The following LTBP1 variants were observed in gnomAD, a reference collection of about 807,000 sequenced individuals.
The protein encoded by LTBP1 is latent transforming growth factor beta binding protein 1.
LTBP1 carries 129 observed loss-of-function variants against 207.6 expected under a neutral mutation model. The ratio of observed to expected loss-of-function variants is 0.62; its 90% CI spans 0.54 to 0.72. The LOEUF (loss-of-function observed/expected upper bound fraction) is 0.72, where lower values mean the gene tolerates loss of function less well. LTBP1 is among the 30% of genes least tolerant of loss of function. The pLI, the probability that LTBP1 is intolerant of heterozygous loss-of-function variation, is 0.00. For synonymous variants in LTBP1, 963 were observed against 833.7 expected, an observed-to-expected ratio of 1.16 and a Z score of -2.67; for missense variants, 2,281 against 2,217.2, an observed-to-expected ratio of 1.03 and a Z score of -0.58.
chr2:33,372,064 G>A (rs2095075209), intron 31 of LTBP1, among the ~76,000 whole-genome samples: 1 of 152,186 alleles, frequency 6.6e-6, no homozygotes, highest in Non-Finnish European at 1.5e-5. Flanking sequence ...TCCACTGGGG[G>A]TCTTGGAACA....
intron 32 of LTBP1, among the ~76,000 whole-genome samples, chr2:33,395,905 A>T (rs1236421806): frequency 2.1e-5 from 3 of 144,388 alleles, no homozygotes; most frequent in African/African-American, 2.6e-5. Context: ...TTCTAGCCAT[A>T]TATTTTTTTT....
chr2:33,176,745 T>C (rs1172830147), intron 5 of LTBP1, among the ~76,000 whole-genome samples: 1 of 152,168 alleles, frequency 6.6e-6, no homozygotes, highest in African/African-American at 2.4e-5. Context: ...CCACTGTGCT[T>C]AACCATCCCA....
intron 2 of LTBP1, among the ~76,000 whole-genome samples, chr2:32,962,976 A>G (rs1373254644): frequency 6.6e-6 from 1 of 152,150 alleles, no homozygotes; most frequent in African/African-American, 2.4e-5. Flanking sequence ...CCCTTTCCAC[A>G]TCCCCCCACC....
At chr2:33,256,541 CTAAT>C (rs1558896270) in intron 11 of LTBP1, among the ~76,000 whole-genome samples, 1 of 151,154 alleles carries the variant, frequency 6.6e-6, no homozygotes, top group African/African-American at 2.4e-5. Context: ...TTTTTAATAA[CTAAT>C]GAAATTACAT....
chr2:33,218,259 T>C (rs1466339437), intron 8 of LTBP1, among the ~76,000 whole-genome samples: 1 of 152,216 alleles, frequency 6.6e-6, no homozygotes, highest in Non-Finnish European at 1.5e-5. Flanking sequence ...CCCCAGGCTT[T>C]GATTTGCTTT....
At chr2:33,180,829 C>T (rs984315545) in intron 5 of LTBP1, among the ~76,000 whole-genome samples, 1 of 152,076 alleles carries the variant, frequency 6.6e-6, no homozygotes, top group African/African-American at 2.4e-5. Context: ...ATTTGTTATC[C>T]TAAAGCAGAA....
At chr2:32,952,605 C>T (rs916274048) in intron 2 of LTBP1, among the ~76,000 whole-genome samples, 1 of 152,106 alleles carries the variant, frequency 6.6e-6, no homozygotes, top group Non-Finnish European at 1.5e-5. Flanking sequence ...GCATTAAACC[C>T]CTGATGTGTA....
At chr2:33,021,270 T>C in intron 3 of LTBP1, 64 bp downstream of exon 3, 2 of 1,425,014 alleles carry the variant, frequency 1.4e-6, no homozygotes, top group Non-Finnish European at 9.5e-7. Context: ...ATGCCTTGCT[T>C]TAAATCACTG....
chr2:33,058,031 A>T (rs998212707), intron 3 of LTBP1, among the ~76,000 whole-genome samples: 4 of 152,256 alleles, frequency 2.6e-5, no homozygotes, highest in African/African-American at 9.6e-5. Context: ...CTACCTCATC[A>T]TAAAAGTAAG....
intron 5 of LTBP1, among the ~76,000 whole-genome samples, chr2:33,169,003 G>A (rs1416577551): frequency 6.6e-6 from 1 of 152,198 alleles, no homozygotes; most frequent in Non-Finnish European, 1.5e-5. Flanking sequence ...AGAGTTAGGG[G>A]GGAGCCATGG....
chr2:33,317,870 A>G (rs975949281), intron 24 of LTBP1: 3 of 115,240 alleles, frequency 2.6e-5, no homozygotes, highest in African/African-American at 3.7e-5. Flanking sequence ...GAAGAGGCAA[A>G]CTCTGTCAAC....
chr2:33,399,216 C>A lies in LTBP1; in HGVS notation c.*671C>A, dbSNP rs1026944168. On this transcript the variant is annotated 3_prime_UTR_variant, in exon 34 of 34. Coordinates refer to ENST00000404816, the MANE Select transcript of LTBP1 (RefSeq NM_206943.4). ...GCTGCTAGCAGGTGTTAATTGGATC[C>A]CTTTCCTTCACTGAAATGGAAGAGT... is the stretch of plus-strand genomic sequence containing the variant. 6.6e-6 allele frequency: 1 copy of A among 152,296 alleles called. No homozygotes were observed. The highest frequency in any genetic ancestry group is 2.4e-5 in the African/African-American group (1 of 41,408). 9.4% of individuals were successfully genotyped at this position (152,296 alleles called of 1,614,324 possible).
chr2:33,029,707 G>A (rs62135745), intron 3 of LTBP1, among the ~76,000 whole-genome samples: 18 of 152,154 alleles, frequency 1.2e-4, no homozygotes, highest in South Asian at 6.2e-4. Context: ...TCCTTGCATC[G>A]TTTACATGTC....
At chr2:33,299,995 T>A (rs958337397) in intron 20 of LTBP1, among the ~76,000 whole-genome samples, 1 of 152,234 alleles carries the variant, frequency 6.6e-6, no homozygotes. Flanking sequence ...ATAGTTCAAC[T>A]TCTAGACAAA....
intron 5 of LTBP1, among the ~76,000 whole-genome samples, chr2:33,157,535 G>A (rs1235770288): frequency 6.6e-6 from 1 of 152,164 alleles, no homozygotes; most frequent in Non-Finnish European, 1.5e-5. Flanking sequence ...AGACAGGGAG[G>A]TTATGACTTC....
intron 31 of LTBP1, among the ~76,000 whole-genome samples, chr2:33,386,311 C>G (rs1250941674): frequency 1.3e-5 from 2 of 152,200 alleles, no homozygotes; most frequent in Non-Finnish European, 2.9e-5. Context: ...GTCCTTTCCT[C>G]TGGCGTTGCT....
At chr2:33,004,851 A>G (rs1315051459) in intron 2 of LTBP1, among the ~76,000 whole-genome samples, 2 of 146,380 alleles carry the variant, frequency 1.4e-5, no homozygotes, top group Non-Finnish European at 3.0e-5. Context: ...TATTGTGGCT[A>G]GTATTATCAA....
chr2:33,136,872 T>A (rs1475783887), intron 5 of LTBP1, among the ~76,000 whole-genome samples: 1 of 152,184 alleles, frequency 6.6e-6, no homozygotes, highest in East Asian at 1.9e-4. Context: ...TACAAAAGCA[T>A]TTCAAAAGCA....
At position 33,301,492 on chromosome 2, in the gene LTBP1, C is replaced by T. The variant is rs1315196874; in HGVS notation, c.3359-30C>T. ...GAAAATGTTTTTGAAGCACCACTTC[C>T]ACAGTTTCTTTGTATTCTCTTGCTC... On this transcript the variant is annotated intron_variant, in intron 21 of 33. Transcript: ENST00000404816. The T allele has an allele frequency of 5.2e-6, 8 of 1,544,138 alleles. No homozygotes were observed. The African/African-American group carries it at 9.7e-5, about 19-fold the overall frequency.
Sources: allele counts gnomAD v4.1 joint callset (sites outside exome capture counted in the v4.1 genomes callset), GRCh38; gene constraint gnomAD v4.1.1; transcripts MANE v1.5; gene names NCBI Gene and HGNC (gene_info 2026-07-23, HGNC 2026-07-21).